MTFMT: variants seen among roughly 807,000 people sequenced by gnomAD.
MTFMT encodes mitochondrial methionyl-tRNA formyltransferase.
In MTFMT, 47 loss-of-function variants were observed where a neutral mutation model predicts 51.8. That is an observed-to-expected ratio of 0.91 (90% CI 0.72 to 1.16). The LOEUF (loss-of-function observed/expected upper bound fraction) is 1.16, where lower values mean the gene tolerates loss of function less well. MTFMT is among the 50% of genes most tolerant of loss of function. The pLI, the probability that MTFMT is intolerant of heterozygous loss-of-function variation, is 0.00. For synonymous variants in MTFMT, 196 were observed against 176.7 expected (o/e 1.11, Z -0.87); for missense variants, 512 against 482.3 (o/e 1.06, Z -0.58).
chr15:65,013,345 G>C (rs2086286537), intron 6 of MTFMT, among the ~76,000 whole-genome samples: 2 of 149,650 alleles, frequency 1.3e-5, no homozygotes, highest in Admixed American at 6.7e-5. Context: ...CGAACTCCTG[G>C]CCTCAAGCAA....
At chr15:65,013,481 C>G (rs556757708) in intron 6 of MTFMT, among the ~76,000 whole-genome samples, 1 of 152,076 alleles carries the variant, frequency 6.6e-6, no homozygotes, top group African/African-American at 2.4e-5. Flanking sequence ...TGAGGAAATG[C>G]TCTTCTATTT....
chr15:65,023,589 C>G, intron 3 of MTFMT, 83 bp downstream of exon 3: 3 of 1,343,744 alleles, frequency 2.2e-6, no homozygotes, highest in Non-Finnish European at 3.2e-6. Flanking sequence ...GTGAGCACCA[C>G]CCATTCATCC....
intron 6 of MTFMT, among the ~76,000 whole-genome samples, chr15:65,015,191 C>T (rs1595890241): frequency 6.6e-6 from 1 of 152,214 alleles, no homozygotes; most frequent in East Asian, 1.9e-4. Flanking sequence ...TTTCCTGAGT[C>T]TACGACGTTA....
intron 6 of MTFMT, among the ~76,000 whole-genome samples, chr15:65,006,628 A>G (rs200615155): frequency 9.9e-5 from 15 of 152,042 alleles, no homozygotes; most frequent in Admixed American, 7.8e-4. Context: ...CGCCCGCCTT[A>G]GCCTCCCAAA....
At position 65,016,540 on chromosome 15, in the gene MTFMT, A is replaced by G. The variant is rs200575315; in HGVS notation, c.722-13T>C. 8.8e-5 allele frequency: 138 copies of G among 1,575,050 alleles called. No homozygotes were observed. The African/African-American group carries it at 1.6e-3, about 18-fold the overall frequency. On this transcript the variant is annotated splice_polypyrimidine_tract_variant and intron_variant, in intron 5 of 8. Coordinates refer to ENST00000220058, the MANE Select transcript of MTFMT (RefSeq NM_139242.4). ...GAAATCTTAGGGGCTACAAGATAAAACCAAGAGCAAAAATGAACATCAGGG... is the reference window on the plus strand; with the variant it reads ...GAAATCTTAGGGGCTACAAGATAAAGCCAAGAGCAAAAATGAACATCAGGG...
chr15:65,003,310 C>A, intron 8 of MTFMT, 54 bp from the exon 9 acceptor site: 1 of 1,365,972 alleles, frequency 7.3e-7, no homozygotes, highest in South Asian at 1.3e-5. Context: ...ACTAAAAAGC[C>A]AAGTAAATAT....
rs562576778 is a variant in MTFMT at position 65,015,195 on chromosome 15, G to A, written c.813+1241C>T. Among the ~76,000 whole-genome samples the A allele has an allele frequency of 2.6e-5, 4 of 152,156 alleles. No individual in the cohort carries two copies. The South Asian group carries it at 6.2e-4, about 24-fold the overall frequency. ...GGTTAAATAACTTTCCTGAGTCTAC[G>A]ACGTTAGGAAGTAGCAGAGTCAAGA... On this transcript the variant is annotated intron_variant, in intron 6 of 8. Transcript: ENST00000220058.
At chr15:65,006,611 C>A (rs1291338598) in intron 6 of MTFMT, among the ~76,000 whole-genome samples, 1 of 152,100 alleles carries the variant, frequency 6.6e-6, no homozygotes, top group African/African-American at 2.4e-5. Context: ...CTCCTGACCT[C>A]ATGATCCGCC....
At chr15:65,025,827 G>A (rs2919343) in intron 2 of MTFMT, among the ~76,000 whole-genome samples, 7,807 of 152,194 alleles carry the variant, frequency 0.051, 484 homozygotes, top group African/African-American at 0.14. Context: ...CAATTTGGGC[G>A]TTGTCAGCAT....
chr15:65,003,941 C>A (rs551168918), intron 8 of MTFMT, among the ~76,000 whole-genome samples: 2 of 150,930 alleles, frequency 1.3e-5, no homozygotes, highest in East Asian at 1.9e-4. Flanking sequence ...AATAAGCTGG[C>A]GAGAGACAAA....
In MTFMT at chr15:65,023,822, T is replaced by C. The variant is rs752824892; in HGVS notation, c.420-28A>G. ...GAGTTAGAAAATGTAGAAATTAGTA[T>C]GTCAGTGGGCTTTACCACTTCGTTA... is the stretch of plus-strand genomic sequence containing the variant. On this transcript the variant is annotated intron_variant, in intron 2 of 8. Coordinates refer to ENST00000220058, the MANE Select transcript of MTFMT (RefSeq NM_139242.4). 14 of 1,597,228 alleles carry C rather than the reference T, an allele frequency of 8.8e-6. No individual in the cohort carries two copies. The South Asian group carries it at 1.6e-4, about 18-fold the overall frequency.
rs768884218 is a variant in MTFMT at position 65,003,845 on chromosome 15, CAA to C, written c.976-591_976-590del. Among the ~76,000 whole-genome samples, 853 of 40,590 alleles carry C rather than the reference CAA, an allele frequency of 0.021. 16 individuals carry two copies. The South Asian group carries it at 0.24, about 11-fold the overall frequency. The allele number at this position is 40,590 out of a possible 152,430, so 26.6% of individuals were successfully genotyped here. A position where few individuals can be genotyped will look rare whatever the true frequency, so the allele number is the denominator to read the frequency against. On this transcript the variant is annotated intron_variant, in intron 8 of 8. Transcript: ENST00000220058. ...CACTCCAGCCTGGGCAACTCCATCT[CAA>C]AAAAAAAAAAAAAAAAAAAGGGAAA... is the stretch of plus-strand genomic sequence containing the variant.
intron 6 of MTFMT, 116 bp from the exon 7 acceptor site, chr15:65,006,307 C>A: frequency 1.4e-6 from 1 of 702,862 alleles, no homozygotes; most frequent in Non-Finnish European, 2.5e-6. Context: ...ATTGGGAACT[C>A]AGTCACTAAG....
rs2086463387 is a variant in MTFMT, at chr15:65,029,624, G to T, written c.-11C>A. On this transcript the variant is annotated 5_prime_UTR_variant, in exon 1 of 9. Transcript: ENST00000220058. Reference sequence around the variant, plus strand: ...CACCAACACCCTCATCGCCTCGGCCGCCGGCGGCCGGCCCTGCGCAGGCGC... The same window carrying T: ...CACCAACACCCTCATCGCCTCGGCCTCCGGCGGCCGGCCCTGCGCAGGCGC... 3.6e-6 allele frequency: 5 copies of T among 1,376,260 alleles called. No individual in the cohort carries two copies. The highest frequency in any genetic ancestry group is 4.7e-6 in the Non-Finnish European group (5 of 1,062,668). The allele number at this position is 1,376,260 out of a possible 1,614,324, so 85.3% of individuals were successfully genotyped here. A position where few individuals can be genotyped will look rare whatever the true frequency, so the allele number is the denominator to read the frequency against.
intron 6 of MTFMT, among the ~76,000 whole-genome samples, chr15:65,012,488 C>G (rs749115372): frequency 6.6e-6 from 1 of 152,056 alleles, no homozygotes; most frequent in Non-Finnish European, 1.5e-5. Context: ...CTCCACCTCC[C>G]AGGTTCAAGT....
At position 65,001,552 on chromosome 15, in the gene MTFMT, T is replaced by C. The variant is rs2086176686; in HGVS notation, c.*1510A>G. On this transcript the variant is annotated 3_prime_UTR_variant, in exon 9 of 9. Transcript: ENST00000220058. ...ATTGCACAAGTAAGTTGAAAAATGT[T>C]AGCACGTTCCTACTTCAAGAAAACC... 6.6e-6 allele frequency: 1 copy of C among 152,228 alleles called. No homozygotes were observed. Among genetic ancestry groups the C allele is most frequent in the Non-Finnish European group, 1.5e-5 (1 of 68,070 alleles). 9.4% of individuals were successfully genotyped at this position (152,228 alleles called of 1,614,324 possible).
Position 65,003,216 on chromosome 15 carries a change from G to A in MTFMT, c.1016C>T (p.Ser339Leu). The change falls in exon 9 of 9, where the codon TCA becomes TTA. Residue 339 changes from serine to leucine, a missense_variant. By Grantham distance (145) the Ser-to-Leu change is moderately radical (BLOSUM62 -2). Transcript: ENST00000220058. ...IGVRSVMLKK[S>L]LTATDFYNGY... ...ATTGTAGAAGTCAGTAGCTGTTAGTGATTTCTTGAGCATCACTGATCGAAC... is the reference window on the plus strand; with the variant it reads ...ATTGTAGAAGTCAGTAGCTGTTAGTAATTTCTTGAGCATCACTGATCGAAC... 1.2e-6 allele frequency: 2 copies of A among 1,613,588 alleles called. No homozygotes were observed. Among genetic ancestry groups the A allele is most frequent in the Non-Finnish European group, 1.7e-6 (2 of 1,179,704 alleles).
At chr15:65,014,990 T>C (rs552303746) in intron 6 of MTFMT, among the ~76,000 whole-genome samples, 1 of 151,568 alleles carries the variant, frequency 6.6e-6, no homozygotes, top group South Asian at 2.1e-4. Context: ...CACCTGTTTC[T>C]ATAGTACCTA....
intron 6 of MTFMT, among the ~76,000 whole-genome samples, chr15:65,013,214 G>A (rs935723750): frequency 3.3e-5 from 5 of 151,928 alleles, no homozygotes; most frequent in Middle Eastern, 3.4e-3. Context: ...CTTTGAGAGC[G>A]CAGACATCTT....
Sources: gnomAD v4.1 joint callset for allele counts (sites outside exome capture counted in the v4.1 genomes callset) on GRCh38, gnomAD v4.1.1 for gene constraint, MANE v1.5 for transcripts, NCBI Gene and HGNC (gene_info 2026-07-23, HGNC 2026-07-21) for gene names.